Variants in SAMD5 observed in about 807,000 individuals in gnomAD.
The protein encoded by SAMD5 is sterile alpha motif domain containing 5, also known as sterile alpha motif domain-containing protein 5.
A neutral mutation model predicts 11.3 loss-of-function variants in SAMD5; 13 were observed. That is an observed-to-expected ratio of 1.15 (90% confidence interval 0.75 to 1.83). The LOEUF (loss-of-function observed/expected upper bound fraction) is 1.83. Among genes scored for constraint, SAMD5 ranks in the 40% most tolerant of loss-of-function variants. The pLI is 0.00. For missense variants in SAMD5, 255 were observed against 239.1 expected (o/e 1.07, Z -0.44); for synonymous variants, 129 against 111.3 (o/e 1.16, Z -1.00).
intron 1 of SAMD5, among the ~76,000 whole-genome samples, chr6:147,672,641 A>G (rs1790810545): frequency 6.6e-6 from 1 of 152,084 alleles, no homozygotes; most frequent in African/African-American, 2.4e-5. Context: ...CAGTCTCCTT[A>G]TAATAGCCCC....
chr6:147,875,840 G>C, the SAMD5 span, among the ~76,000 whole-genome samples: 43,508 of 151,838 alleles, frequency 0.29, 6,313 homozygotes, highest in Non-Finnish European at 0.32. Flanking sequence ...TCTAGTTTCA[G>C]GAAAACAAAC....
At chr6:147,856,162 A>C in the SAMD5 span, among the ~76,000 whole-genome samples, 1 of 152,210 alleles carries the variant, frequency 6.6e-6, no homozygotes, top group African/African-American at 2.4e-5. Flanking sequence ...TAAGTGGAAA[A>C]AGTCTATAAC....
chr6:147,514,051 G>C (rs564739173), intron 1 of SAMD5, among the ~76,000 whole-genome samples: 2 of 152,158 alleles, frequency 1.3e-5, no homozygotes, highest in African/African-American at 2.4e-5. Context: ...TTGTGGATTT[G>C]TTTGTGTTTA....
chr6:147,783,667 G>A, the SAMD5 span, among the ~76,000 whole-genome samples: 20 of 152,100 alleles, frequency 1.3e-4, no homozygotes, highest in Admixed American at 1.3e-3. Context: ...CCAAAGTGCT[G>A]GGACTACAGA....
the SAMD5 span, among the ~76,000 whole-genome samples, chr6:147,860,289 C>T: frequency 6.6e-6 from 1 of 152,200 alleles, no homozygotes; most frequent in Non-Finnish European, 1.5e-5. Context: ...TGATATTGGA[C>T]TAAGGTCCGC....
chr6:147,794,437 CACTT>C, the SAMD5 span, among the ~76,000 whole-genome samples: 14 of 152,102 alleles, frequency 9.2e-5, no homozygotes, highest in East Asian at 2.5e-3. Context: ...ACATCATACT[CACTT>C]AAAGTACAGT....
the SAMD5 span, among the ~76,000 whole-genome samples, chr6:147,888,675 G>A: frequency 6.6e-6 from 1 of 152,032 alleles, no homozygotes; most frequent in African/African-American, 2.4e-5. Context: ...CTGAGATCAG[G>A]AGTTCGAGAC....
At chr6:147,826,569 G>A in the SAMD5 span, among the ~76,000 whole-genome samples, 2 of 152,142 alleles carry the variant, frequency 1.3e-5, no homozygotes, top group South Asian at 2.1e-4. Context: ...ACAAAGCATC[G>A]TGAGGATGAG....
At chr6:147,691,835 G>A (rs528024000) in intron 1 of SAMD5, among the ~76,000 whole-genome samples, 6 of 149,524 alleles carry the variant, frequency 4.0e-5, no homozygotes, top group African/African-American at 1.2e-4. Flanking sequence ...CTTGTTCTTT[G>A]CAGATATTTA....
At chr6:147,933,256 C>G in the SAMD5 span, among the ~76,000 whole-genome samples, 1 of 152,178 alleles carries the variant, frequency 6.6e-6, no homozygotes, top group Non-Finnish European at 1.5e-5. Context: ...GACACAAAAG[C>G]AGTGACCTGC....
chr6:147,888,860 G>A, the SAMD5 span, among the ~76,000 whole-genome samples: 2 of 149,818 alleles, frequency 1.3e-5, no homozygotes, highest in East Asian at 3.9e-4. Context: ...ACTCCAGCCT[G>A]GGTGACAAGA....
chr6:147,582,301 A>C lies in SAMD5; in HGVS notation c.162+72914A>C, dbSNP rs567111837. On this transcript the variant is annotated intron_variant, in intron 1 of 1. Coordinates refer to the SAMD5 transcript ENST00000566741. ...AGAATCACTTGAACCCAGGAGGTGG[A>C]GGTTGCAATGAGCTGAGATCCGCAC... is the stretch of plus-strand genomic sequence containing the variant. Among the ~76,000 whole-genome samples the C allele has an allele frequency of 1.5e-3, 231 of 150,386 alleles. 1 individual carries two copies. Among genetic ancestry groups the C allele is most frequent in the Non-Finnish European group, 1.1e-3 (76 of 67,714 alleles).
rs1042038326 is a variant in SAMD5 at position 147,579,430 on chromosome 6, C to T, written c.162+70043C>T. Among the ~76,000 whole-genome samples the T allele has an allele frequency of 6.2e-5, 9 of 144,960 alleles. No individual in the cohort carries two copies. In the South Asian group the frequency reaches 6.6e-4, roughly 11 times the overall value. On this transcript the variant is annotated intron_variant, in intron 1 of 1. Coordinates refer to the SAMD5 transcript ENST00000566741. ...AAGAATAAAAGCGAAGATATGCCTG[C>T]GATAGTTTGGAAGCAGGCTTTGAAT... is the stretch of plus-strand genomic sequence containing the variant.
intron 1 of SAMD5, among the ~76,000 whole-genome samples, chr6:147,550,594 C>CT (rs1411726603): frequency 2.0e-5 from 3 of 152,102 alleles, no homozygotes; most frequent in Non-Finnish European, 2.9e-5. Flanking sequence ...GAAATTATGT[C>CT]TTTTGCAGCA....
At chr6:147,766,760 G>T in the SAMD5 span, among the ~76,000 whole-genome samples, 2 of 152,196 alleles carry the variant, frequency 1.3e-5, no homozygotes, top group Non-Finnish European at 2.9e-5. Flanking sequence ...AGAGTTGACA[G>T]AATGACACTT....
the SAMD5 span, among the ~76,000 whole-genome samples, chr6:147,909,626 T>TTCTCTCTCTCTCTCTCTCTC: frequency 1.7e-5 from 1 of 59,260 alleles, no homozygotes; most frequent in African/African-American, 8.6e-5. Flanking sequence ...CTTTCTTTCT[T>TTCTCTCTCTCTCTCTCTCTC]TCTTTCTCTT....
intron 1 of SAMD5, among the ~76,000 whole-genome samples, chr6:147,658,865 C>T (rs1476633074): frequency 1.3e-5 from 2 of 152,036 alleles, no homozygotes; most frequent in African/African-American, 4.8e-5. Context: ...TGTGCTAAAC[C>T]CTTGTATGGA....
chr6:147,624,488 G>A (rs966112160), intron 1 of SAMD5, among the ~76,000 whole-genome samples: 1 of 152,174 alleles, frequency 6.6e-6, no homozygotes, highest in African/African-American at 2.4e-5. Flanking sequence ...TGTGATGTTT[G>A]GTTTTCCATT....
At chr6:147,520,921 A>T (rs1263798594) in intron 1 of SAMD5, among the ~76,000 whole-genome samples, 1 of 152,152 alleles carries the variant, frequency 6.6e-6, no homozygotes, top group Non-Finnish European at 1.5e-5. Context: ...ACACGTTATT[A>T]TTAACTGTAG....
Sources: allele counts gnomAD v4.1 joint callset (sites outside exome capture counted in the v4.1 genomes callset), GRCh38; gene constraint gnomAD v4.1.1; transcripts MANE v1.5; gene names NCBI Gene and HGNC (gene_info 2026-07-23, HGNC 2026-07-21).